Variants in CDH13 observed in about 807,000 individuals in gnomAD.
CDH13 encodes the protein cadherin-13.
CDH13 carries 24 observed loss-of-function variants against 63.8 expected under a neutral mutation model. The ratio of observed to expected loss-of-function variants is 0.38; its 90% CI spans 0.27 to 0.53. The LOEUF (loss-of-function observed/expected upper bound fraction) is 0.53. Among genes scored for constraint, CDH13 ranks in the 20% least tolerant of loss-of-function variants. The probability of loss-of-function intolerance (pLI) is 0.85; values close to 1 mark genes in which losing one functional copy is unlikely to be tolerated. For missense variants in CDH13, 1,049 were observed against 903.1 expected, an observed-to-expected ratio of 1.16 and a Z score of -2.07; for synonymous variants, 503 against 355.3, an observed-to-expected ratio of 1.42 and a Z score of -4.67.
At chr16:82,912,240 A>AC in intron 2 of CDH13, among the ~76,000 whole-genome samples, 1 of 14,410 alleles carries the variant, frequency 6.9e-5, no homozygotes, top group Middle Eastern at 0.028. Flanking sequence ...ATATTTTCTT[A>AC]ACTATTTAGT....
intron 1 of CDH13, chr16:82,723,181 G>C (rs531461042): frequency 6.6e-6 from 1 of 152,342 alleles, no homozygotes; most frequent in South Asian, 2.1e-4. Flanking sequence ...CAGTTGGGTG[G>C]CTTGAGTTCC....
intron 5 of CDH13, among the ~76,000 whole-genome samples, chr16:83,228,543 A>G (rs2039911400): frequency 6.6e-6 from 1 of 152,230 alleles, no homozygotes; most frequent in Admixed American, 6.5e-5. Context: ...GTCATGTTAC[A>G]GGTTCAGCCT....
At chr16:83,563,158 G>C (rs938611416) in intron 7 of CDH13, among the ~76,000 whole-genome samples, 1 of 152,218 alleles carries the variant, frequency 6.6e-6, no homozygotes, top group African/African-American at 2.4e-5. Flanking sequence ...CCATGGACTT[G>C]CAAAGAGAGG....
intron 1 of CDH13, among the ~76,000 whole-genome samples, chr16:82,649,186 G>C (rs1402099522): frequency 6.6e-6 from 1 of 152,096 alleles, no homozygotes; most frequent in Non-Finnish European, 1.5e-5. Flanking sequence ...TTTTACAAAT[G>C]ACATAATAGA....
At chr16:83,284,778 A>C (rs2089267209) in intron 5 of CDH13, among the ~76,000 whole-genome samples, 1 of 152,150 alleles carries the variant, frequency 6.6e-6, no homozygotes, top group Non-Finnish European at 1.5e-5. Flanking sequence ...GTGTTAATAT[A>C]ATACAAAATA....
chr16:83,200,215 G>A (rs1311026528), intron 4 of CDH13, among the ~76,000 whole-genome samples: 2 of 152,144 alleles, frequency 1.3e-5, no homozygotes, highest in African/African-American at 4.8e-5. Context: ...TGGGCGCTGG[G>A]TGGCAGCCTT....
chr16:83,336,540 A>G (rs925785395), intron 5 of CDH13, among the ~76,000 whole-genome samples: 1 of 152,182 alleles, frequency 6.6e-6, no homozygotes, highest in African/African-American at 2.4e-5. Context: ...ATTGTGTTAG[A>G]GATGTAACTA....
intron 5 of CDH13, among the ~76,000 whole-genome samples, chr16:83,221,137 C>G (rs1053682367): frequency 6.6e-6 from 1 of 152,228 alleles, no homozygotes; most frequent in Non-Finnish European, 1.5e-5. Flanking sequence ...CTAAGAAACA[C>G]TCTTCCTATT....
intron 1 of CDH13, among the ~76,000 whole-genome samples, chr16:82,731,371 A>G (rs1193270304): frequency 1.3e-5 from 2 of 152,248 alleles, no homozygotes; most frequent in Non-Finnish European, 2.9e-5. Context: ...CAGTTTGCTG[A>G]ACTCTAGTCT....
chr16:82,665,388 C>A (rs369547908), intron 1 of CDH13, among the ~76,000 whole-genome samples: 1 of 152,052 alleles, frequency 6.6e-6, no homozygotes, highest in African/African-American at 2.4e-5. Flanking sequence ...CCGAGGCGCA[C>A]GTAAAACAAG....
chr16:83,695,901 T>C (rs925544132), intron 10 of CDH13, among the ~76,000 whole-genome samples: 1 of 152,070 alleles, frequency 6.6e-6, no homozygotes, highest in African/African-American at 2.4e-5. Flanking sequence ...AACTTTTTTT[T>C]TTTTTTTTGA....
At chr16:83,587,386 C>T (rs575111033) in intron 7 of CDH13, among the ~76,000 whole-genome samples, 475 of 152,212 alleles carry the variant, frequency 3.1e-3, no homozygotes, top group Non-Finnish European at 4.8e-3. Flanking sequence ...ACATTTAAAA[C>T]CTAGTTTTAG....
At chr16:83,334,250 GTCTC>G (rs377643024) in intron 5 of CDH13, among the ~76,000 whole-genome samples, 3 of 150,590 alleles carry the variant, frequency 2.0e-5, no homozygotes, top group African/African-American at 4.9e-5. Flanking sequence ...CTGTCTGTCT[GTCTC>G]TCTCTCTGTT....
chr16:83,665,330 A>G (rs1164298059), intron 8 of CDH13, among the ~76,000 whole-genome samples: 1 of 152,190 alleles, frequency 6.6e-6, no homozygotes, highest in Non-Finnish European at 1.5e-5. Flanking sequence ...ACAGGGCAAA[A>G]TCCATCATCA....
chr16:82,918,629 T>C (rs9926654), intron 2 of CDH13, among the ~76,000 whole-genome samples: 54,360 of 151,358 alleles, frequency 0.36, 10,467 homozygotes, highest in Non-Finnish European at 0.44. Context: ...CTGCCTCAGC[T>C]TCCCCAGTAG....
chr16:83,423,328 T>C (rs2071773373), intron 6 of CDH13, among the ~76,000 whole-genome samples: 3 of 152,318 alleles, frequency 2.0e-5, no homozygotes, highest in Admixed American at 2.0e-4. Context: ...TGTTCACTTC[T>C]TCAGAAAATT....
chr16:82,683,044 T>A (rs1398816776), intron 1 of CDH13, among the ~76,000 whole-genome samples: 1 of 152,176 alleles, frequency 6.6e-6, no homozygotes, highest in Non-Finnish European at 1.5e-5. Flanking sequence ...AGCCAAGTTA[T>A]TCAGTTTCCA....
At chr16:83,622,166 C>T (rs1355651784) in intron 8 of CDH13, among the ~76,000 whole-genome samples, 3 of 152,262 alleles carry the variant, frequency 2.0e-5, no homozygotes, top group Admixed American at 6.5e-5. Context: ...TCACAACAGC[C>T]CTATGACGTA....
chr16:83,707,306 T>C (rs1907228751), intron 10 of CDH13, among the ~76,000 whole-genome samples: 1 of 152,204 alleles, frequency 6.6e-6, no homozygotes, highest in African/African-American at 2.4e-5. Context: ...CTCTTTCTCC[T>C]TGAATTCCTC....
Sources: gnomAD v4.1 joint callset for allele counts (sites outside exome capture counted in the v4.1 genomes callset) on GRCh38, gnomAD v4.1.1 for gene constraint, MANE v1.5 for transcripts, NCBI Gene and HGNC (gene_info 2026-07-23, HGNC 2026-07-21) for gene names.